Variants in SLC25A26 observed in about 807,000 individuals in gnomAD.
SLC25A26 encodes the protein solute carrier family 25 member 26.
In SLC25A26, 36 loss-of-function variants were observed where a neutral mutation model predicts 37.8. That is an observed-to-expected ratio of 0.95 (90% confidence interval 0.73 to 1.26). The LOEUF (loss-of-function observed/expected upper bound fraction) is 1.26, where lower values mean the gene tolerates loss of function less well. Among genes scored for constraint, SLC25A26 ranks in the 50% most tolerant of loss-of-function variants. The pLI, the probability that SLC25A26 is intolerant of heterozygous loss-of-function variation, is 0.00. For synonymous variants in SLC25A26, 129 were observed against 122.5 expected (o/e 1.05, Z -0.35); for missense variants, 390 against 331.1 (o/e 1.18, Z -1.38).
chr3:66,266,453 G>A (rs2073753887), intron 5 of SLC25A26, among the ~76,000 whole-genome samples: 1 of 151,918 alleles, frequency 6.6e-6, no homozygotes, highest in South Asian at 2.1e-4. Flanking sequence ...TATTCTGTAT[G>A]CAATTTTTTC....
chr3:66,209,137 T>TTATA (rs1231954950), intron 1 of SLC25A26, among the ~76,000 whole-genome samples: 12,763 of 93,820 alleles, frequency 0.14, 1,262 homozygotes, highest in East Asian at 0.24. Flanking sequence ...TATATACCTT[T>TTATA]TATATATATA....
At chr3:66,139,105 T>G (rs1225037606) in intron 1 of SLC25A26, among the ~76,000 whole-genome samples, 1 of 151,950 alleles carries the variant, frequency 6.6e-6, no homozygotes, top group Non-Finnish European at 1.5e-5. Flanking sequence ...AGCTTTTCCT[T>G]TCAAGATTCT....
chr3:66,297,353 G>A (rs2074937734), intron 5 of SLC25A26, among the ~76,000 whole-genome samples: 1 of 148,132 alleles, frequency 6.8e-6, no homozygotes, highest in Non-Finnish European at 1.5e-5. Context: ...AAAAAAGAAT[G>A]TCTGGCATTA....
rs1364214723 is a variant in SLC25A26 at position 66,221,011 on chromosome 3, C to G, written c.-84C>G. On this transcript the variant is annotated 5_prime_UTR_variant, in exon 1 of 10. Coordinates refer to ENST00000354883, the MANE Select transcript of SLC25A26 (RefSeq NM_001379210.1). ...CCGGAAGTTCAAGACAGACCCGCCT[C>G]AAACATGGCGGCGCCCAGCGCGCGA... 3.4e-6 allele frequency: 5 copies of G among 1,451,228 alleles called. No individual in the cohort carries two copies. Among genetic ancestry groups the G allele is most frequent in the East Asian group, 2.5e-5 (1 of 40,340 alleles). 89.9% of individuals were successfully genotyped at this position (1,451,228 alleles called of 1,614,324 possible).
At chr3:66,321,668 A>G (rs1340400400) in intron 5 of SLC25A26, among the ~76,000 whole-genome samples, 2 of 152,086 alleles carry the variant, frequency 1.3e-5, no homozygotes, top group African/African-American at 4.8e-5. Context: ...TTGTGAAAAC[A>G]ATGGCAAAAG....
Position 66,375,910 on chromosome 3 carries a change from G to C in SLC25A26, c.708-1780G>C, listed in dbSNP as rs150047602. Among the ~76,000 whole-genome samples the C allele has an allele frequency of 4.8e-4, 73 of 151,762 alleles. No homozygotes were observed. In the East Asian group the frequency reaches 0.014, roughly 29 times the overall value. ...TTGCTAGATGTGGGCAAAGTAAATT[G>C]GAAGCCTTCTAGAAAGGAGTCACCA... is the stretch of plus-strand genomic sequence containing the variant. On this transcript the variant is annotated intron_variant, in intron 9 of 9. Coordinates refer to ENST00000354883, the MANE Select transcript of SLC25A26 (RefSeq NM_001379210.1).
chr3:66,341,209 A>G (rs1354108916), intron 5 of SLC25A26, among the ~76,000 whole-genome samples: 1 of 152,140 alleles, frequency 6.6e-6, no homozygotes, highest in Non-Finnish European at 1.5e-5. Flanking sequence ...GATATTAGCC[A>G]TACATTGTTG....
At chr3:66,364,936 A>G (rs935484963) in intron 7 of SLC25A26, among the ~76,000 whole-genome samples, 2 of 152,222 alleles carry the variant, frequency 1.3e-5, no homozygotes, top group Non-Finnish European at 2.9e-5. Context: ...TATATTTAGC[A>G]AAAGATAAAT....
chr3:66,145,138 A>G (rs897815702), intron 1 of SLC25A26, among the ~76,000 whole-genome samples: 2 of 152,188 alleles, frequency 1.3e-5, no homozygotes, highest in Admixed American at 1.3e-4. Flanking sequence ...AAAAAAATCT[A>G]TATTTCCCCT....
chr3:66,358,119 A>G (rs753101624), intron 6 of SLC25A26, among the ~76,000 whole-genome samples: 9 of 152,254 alleles, frequency 5.9e-5, no homozygotes, highest in Non-Finnish European at 1.2e-4. Flanking sequence ...GTCATAATCA[A>G]TACATAGTCT....
chr3:66,269,141 C>T (rs554364519), intron 5 of SLC25A26, among the ~76,000 whole-genome samples: 158 of 152,336 alleles, frequency 1.0e-3, no homozygotes, highest in Non-Finnish European at 1.9e-3. Context: ...TTTGCATAGA[C>T]TCTTCTCGTT....
At position 66,300,508 on chromosome 3, in the gene SLC25A26, A is replaced by G. The variant is rs553709846; in HGVS notation, c.453+37129A>G. On this transcript the variant is annotated intron_variant, in intron 5 of 9. Transcript: ENST00000354883. ...TATTTGTCTTAAACAATTTTGAACA[A>G]TTAAAATCTTAAAAGTACTTTCTTA... Among the ~76,000 whole-genome samples, 11 of 152,270 alleles carry G rather than the reference A, an allele frequency of 7.2e-5. No individual in the cohort carries two copies. The East Asian group carries it at 7.7e-4, about 11-fold the overall frequency.
chr3:66,234,915 A>G (rs2072202495), intron 1 of SLC25A26, among the ~76,000 whole-genome samples: 1 of 152,222 alleles, frequency 6.6e-6, no homozygotes, highest in South Asian at 2.1e-4. Context: ...AAATATAGCA[A>G]AAAATAGCAA....
intron 5 of SLC25A26, among the ~76,000 whole-genome samples, chr3:66,313,060 C>T (rs963935943): frequency 6.6e-6 from 1 of 152,176 alleles, no homozygotes; most frequent in East Asian, 1.9e-4. Flanking sequence ...CAAAAATTTT[C>T]TTCCACTCTG....
intron 1 of SLC25A26, among the ~76,000 whole-genome samples, chr3:66,223,391 T>C (rs558717972): frequency 3.9e-5 from 6 of 152,112 alleles, no homozygotes; most frequent in Middle Eastern, 3.4e-3. Context: ...ATGGGAGGGG[T>C]AGGCAAAGCC....
At chr3:66,306,789 G>C (rs1024560726) in intron 5 of SLC25A26, among the ~76,000 whole-genome samples, 1 of 152,154 alleles carries the variant, frequency 6.6e-6, no homozygotes, top group African/African-American at 2.4e-5. Flanking sequence ...AGTTTGCTGG[G>C]AATGATGGTT....
chr3:66,338,336 A>G (rs968126632), intron 5 of SLC25A26, among the ~76,000 whole-genome samples: 4 of 152,024 alleles, frequency 2.6e-5, no homozygotes, highest in Non-Finnish European at 5.9e-5. Flanking sequence ...GCTCTTGGAT[A>G]AATACCTAGG....
At chr3:66,234,468 G>T (rs1444359604) in intron 1 of SLC25A26, among the ~76,000 whole-genome samples, 1 of 152,126 alleles carries the variant, frequency 6.6e-6, no homozygotes, top group Non-Finnish European at 1.5e-5. Flanking sequence ...TTTGGGTGAC[G>T]TCTTCTTAGG....
chr3:66,275,964 C>G (rs949309583), intron 5 of SLC25A26, among the ~76,000 whole-genome samples: 2 of 151,968 alleles, frequency 1.3e-5, no homozygotes, highest in African/African-American at 2.4e-5. Flanking sequence ...TGAATAAACA[C>G]CATCTTATAT....
Sources: allele counts gnomAD v4.1 joint callset (sites outside exome capture counted in the v4.1 genomes callset), GRCh38; gene constraint gnomAD v4.1.1; transcripts MANE v1.5; gene names NCBI Gene and HGNC (gene_info 2026-07-23, HGNC 2026-07-21).